The following PDZD4 variants were observed in gnomAD, a reference collection of about 807,000 sequenced individuals.
PDZD4 encodes PDZ domain containing 4.
PDZD4 carries 9 observed loss-of-function variants against 38.5 expected under a neutral mutation model. That is an observed-to-expected ratio of 0.23 (90% confidence interval 0.14 to 0.41). The LOEUF (loss-of-function observed/expected upper bound fraction) is 0.41. Ranked by LOEUF, PDZD4 falls within the 10% of genes least tolerant of loss-of-function variation. PDZD4 has a pLI of 1.00. For synonymous variants in PDZD4, 349 were observed against 315.7 expected, an observed-to-expected ratio of 1.11 and a Z score of -1.12; for missense variants, 612 against 722.0, an observed-to-expected ratio of 0.85 and a Z score of 1.75.
chrX:153,812,423 C>T (rs944537854), intron 1 of PDZD4, among the ~76,000 whole-genome samples: 1 of 109,795 alleles, frequency 9.1e-6, no homozygotes, highest in Non-Finnish European at 1.9e-5. Flanking sequence ...GAATCATTAC[C>T]GAGCAGCAGT....
intron 3 of PDZD4, 51 bp from the exon 4 acceptor site, chrX:153,806,891 G>A (rs370393734): frequency 1.2e-4 from 121 of 1,033,781 alleles, no homozygotes; most frequent in Non-Finnish European, 1.4e-4. Context: ...CCAGAAATGC[G>A]TGAGTGAGGG....
rs1557075207 is a variant in PDZD4, at chrX:153,803,314, G to A, written c.*39C>T. 2.7e-6 allele frequency: 3 copies of A among 1,098,148 alleles called. No homozygotes were observed. The Admixed American group carries it at 1.0e-4, about 37-fold the overall frequency. 90.5% of individuals were successfully genotyped at this position (1,098,148 alleles called of 1,213,427 possible). A position where few individuals can be genotyped will look rare whatever the true frequency, so the allele number is the denominator to read the frequency against. ...GGAGAGTGAGGGCCGGGGCCCCAGG[G>A]GGTTCCCTGGGCCTGGGCCGTGTAC... is the stretch of plus-strand genomic sequence containing the variant. On this transcript the variant is annotated 3_prime_UTR_variant, in exon 8 of 8. Coordinates refer to ENST00000393758, the MANE Select transcript of PDZD4 (RefSeq NM_001303512.2).
chrX:153,827,979 T>C (rs927188352), intron 1 of PDZD4, among the ~76,000 whole-genome samples: 2 of 111,536 alleles, frequency 1.8e-5, no homozygotes, highest in Admixed American at 9.5e-5. Context: ...CTGTGGATTG[T>C]AGATGGAAGG....
rs782069105 is a variant in PDZD4 at position 153,805,492 on chromosome X, C to T, written c.669+13G>A. On this transcript the variant is annotated intron_variant, in intron 6 of 7. Coordinates refer to ENST00000393758, the MANE Select transcript of PDZD4 (RefSeq NM_001303512.2). ...ATGTCGTGGCCCCGGGTCGCCCTGC[C>T]AGGCATACACACCTGACTCTCAGGT... 1.5e-5 allele frequency: 18 copies of T among 1,194,224 alleles called. No homozygotes were observed. In the East Asian group the frequency reaches 4.7e-4, roughly 31 times the overall value.
Position 153,805,201 on chromosome X carries a change from T to TCGC in PDZD4, c.673_675dup (p.Ala225dup), listed in dbSNP as rs1569543282. The TCGC allele has an allele frequency of 4.5e-5, 54 of 1,207,133 alleles. No homozygotes were observed. The highest frequency in any genetic ancestry group is 5.9e-5 in the Non-Finnish European group (53 of 892,819). ...TCCCGGTCGCTGTCCTTCCACCTTT[T>TCGC]CGCCAGCTGTGGAGACAGGCCCTGG... On this transcript the variant is annotated inframe_insertion, in exon 7 of 8. Coordinates refer to ENST00000393758, the MANE Select transcript of PDZD4 (RefSeq NM_001303512.2).
intron 1 of PDZD4, among the ~76,000 whole-genome samples, chrX:153,809,698 G>C (rs1194990113): frequency 8.9e-6 from 1 of 112,951 alleles, no homozygotes; most frequent in African/African-American, 3.2e-5. Context: ...AACCTTGAGG[G>C]AGATGCCATT....
chrX:153,821,041 A>G (rs1262677400), intron 1 of PDZD4, among the ~76,000 whole-genome samples: 2 of 112,432 alleles, frequency 1.8e-5, no homozygotes, highest in African/African-American at 6.5e-5. Context: ...TGGCTGCAAA[A>G]TGTCTCCACC....
At chrX:153,814,482 C>G (rs1473143833) in intron 1 of PDZD4, among the ~76,000 whole-genome samples, 2 of 77,540 alleles carry the variant, frequency 2.6e-5, no homozygotes, top group African/African-American at 9.6e-5. Flanking sequence ...CACCCCCCAC[C>G]CCCCCCCCAA....
At chrX:153,824,711 G>C (rs2064462343) in intron 1 of PDZD4, among the ~76,000 whole-genome samples, 1 of 112,081 alleles carries the variant, frequency 8.9e-6, no homozygotes, top group Non-Finnish European at 1.9e-5. Context: ...AAAAAGGGGA[G>C]CCTGGGGCCA....
rs782204560 is a variant in PDZD4 at position 153,804,850 on chromosome X, G to A, written c.831C>T (p.Ser277=). Residue 277 remains serine (S), a synonymous_variant, in exon 8 of 8, where the codon AGC becomes AGT. Transcript: ENST00000393758. ...CCCCGCTGTCCAGCTCCTGGCTGTT[G>A]CTCAGGCCTGGGCCGGCATCGGGAG... ...KGAPDAGPGL[S]NSQELDSGVG... is the part of the protein sequence containing the mutation. 2 of 1,210,351 alleles carry A rather than the reference G, an allele frequency of 1.7e-6. No individual in the cohort carries two copies. Among genetic ancestry groups the A allele is most frequent in the Non-Finnish European group, 2.2e-6 (2 of 895,419 alleles).
chrX:153,810,323 C>A (rs1202080049), intron 1 of PDZD4, among the ~76,000 whole-genome samples: 1 of 112,524 alleles, frequency 8.9e-6, no homozygotes, highest in African/African-American at 3.2e-5. Context: ...GCTGGCCATG[C>A]ACGCCTCGGT....
chrX:153,822,186 C>CA (rs57857575), intron 1 of PDZD4, among the ~76,000 whole-genome samples: 2,012 of 47,313 alleles, frequency 0.043, 78 homozygotes, highest in African/African-American at 0.096. Flanking sequence ...GACTCTGTCT[C>CA]AAAAAAAAAA....
rs782591165 is a variant in PDZD4, at chrX:153,806,049, C to T, written c.567+22G>A. The T allele has an allele frequency of 2.5e-6, 3 of 1,210,206 alleles. No homozygotes were observed. In the East Asian group the frequency reaches 8.9e-5, roughly 36 times the overall value. ...GGGCACAGCGGGGCCTTGGGCCAGG[C>T]CTGCAGCCTGCAAGTGCTCACCTGG... is the stretch of plus-strand genomic sequence containing the variant. On this transcript the variant is annotated intron_variant, in intron 5 of 7. Coordinates refer to ENST00000393758, the MANE Select transcript of PDZD4 (RefSeq NM_001303512.2).
chrX:153,818,794 C>A (rs2064388619), intron 1 of PDZD4, among the ~76,000 whole-genome samples: 1 of 110,324 alleles, frequency 9.1e-6, no homozygotes, highest in African/African-American at 3.3e-5. Context: ...ATCAGAGGGG[C>A]GGCTGAATAC....
chrX:153,802,972 A>G lies in PDZD4; in HGVS notation c.*381T>C. On this transcript the variant is annotated 3_prime_UTR_variant, in exon 8 of 8. Transcript: ENST00000393758. Reference sequence around the variant, plus strand: ...CACTCTCTTGTGCTCCTTTCAGCTCAGCTTCCCTGTCTGCAAGTACACGGG... The same window carrying G: ...CACTCTCTTGTGCTCCTTTCAGCTCGGCTTCCCTGTCTGCAAGTACACGGG... 6.9e-6 allele frequency: 1 copy of G among 143,923 alleles called. No individual in the cohort carries two copies. Among genetic ancestry groups the G allele is most frequent in the Non-Finnish European group, 1.4e-5 (1 of 73,273 alleles). 11.9% of individuals were successfully genotyped at this position (143,923 alleles called of 1,213,427 possible). A position where few individuals can be genotyped will look rare whatever the true frequency, so the allele number is the denominator to read the frequency against.
At chrX:153,820,204 G>C (rs782447446) in intron 1 of PDZD4, among the ~76,000 whole-genome samples, 1 of 109,359 alleles carries the variant, frequency 9.1e-6, no homozygotes, top group Admixed American at 9.8e-5. Flanking sequence ...AAAATTAGCC[G>C]GGCGTGGTGG....
At chrX:153,805,887 G>A (rs782336806) in intron 5 of PDZD4, among the ~76,000 whole-genome samples, 184 bp downstream of exon 5, 11 of 112,102 alleles carry the variant, frequency 9.8e-5, no homozygotes, top group Admixed American at 4.7e-4. Flanking sequence ...ATAGGCACAC[G>A]GGAGCCACTG....
At position 153,803,276 on chromosome X, in the gene PDZD4, C is replaced by G; in HGVS notation, c.*77G>C. On this transcript the variant is annotated 3_prime_UTR_variant, in exon 8 of 8. Transcript: ENST00000393758. ...ACGCGCGCGCGCACACACACACACA[C>G]ACAATCTCTATAGGAGAGTGAGGGC... 2 of 862,949 alleles carry G rather than the reference C, an allele frequency of 2.3e-6. No homozygotes were observed. Among genetic ancestry groups the G allele is most frequent in the African/African-American group, 4.1e-5 (2 of 48,964 alleles). 71.1% of individuals were successfully genotyped at this position (862,949 alleles called of 1,213,427 possible). A position where few individuals can be genotyped will look rare whatever the true frequency, so the allele number is the denominator to read the frequency against.
intron 4 of PDZD4, among the ~76,000 whole-genome samples, chrX:153,806,483 A>G (rs2064250870): frequency 8.9e-6 from 1 of 112,763 alleles, no homozygotes; most frequent in Non-Finnish European, 1.9e-5. Flanking sequence ...TCTGCCCAAG[A>G]TGGGTTCGGG....
Sources: gnomAD v4.1 joint callset for allele counts (sites outside exome capture counted in the v4.1 genomes callset) on GRCh38, gnomAD v4.1.1 for gene constraint, MANE v1.5 for transcripts, NCBI Gene and HGNC (gene_info 2026-07-23, HGNC 2026-07-21) for gene names.